COL24A1: variants seen among roughly 807,000 people sequenced by gnomAD.
COL24A1 encodes collagen type XXIV alpha 1 chain.
In COL24A1, 224 loss-of-function variants were observed where a neutral mutation model predicts 253.9. That is an observed-to-expected ratio of 0.88 (90% CI 0.79 to 0.99). The LOEUF is 0.99. Ranked by LOEUF, COL24A1 falls within the 50% of genes least tolerant of loss-of-function variation. The pLI is 0.00. For missense variants in COL24A1, 2,131 were observed against 2,068.5 expected, an observed-to-expected ratio of 1.03 and a Z score of -0.59; for synonymous variants, 685 against 673.7, an observed-to-expected ratio of 1.02 and a Z score of -0.26.
chr1:85,873,057 T>C (rs1163577657), intron 35 of COL24A1, among the ~76,000 whole-genome samples: 2 of 152,124 alleles, frequency 1.3e-5, no homozygotes, highest in African/African-American at 2.4e-5. Context: ...AAGAAGACAT[T>C]TATGCAGCCA....
At chr1:85,787,010 T>C (rs890150508) in intron 47 of COL24A1, among the ~76,000 whole-genome samples, 3 of 151,942 alleles carry the variant, frequency 2.0e-5, no homozygotes, top group Non-Finnish European at 4.4e-5. Flanking sequence ...GTAGATCTCA[T>C]GAACTAAGAA....
intron 47 of COL24A1, among the ~76,000 whole-genome samples, 180 bp downstream of exon 47, chr1:85,816,608 A>C (rs936878803): frequency 2.0e-5 from 3 of 152,228 alleles, no homozygotes; most frequent in Non-Finnish European, 4.4e-5. Context: ...TACTGAAGAG[A>C]ATGTACCTAT....
At chr1:85,778,163 G>A (rs1343600233) in intron 52 of COL24A1, among the ~76,000 whole-genome samples, 2 of 152,022 alleles carry the variant, frequency 1.3e-5, no homozygotes, top group Non-Finnish European at 2.9e-5. Flanking sequence ...GAGTGCAGTG[G>A]CATGATCATG....
intron 20 of COL24A1, among the ~76,000 whole-genome samples, chr1:85,979,393 A>G (rs539275946): frequency 2.4e-4 from 37 of 152,234 alleles, no homozygotes; most frequent in African/African-American, 8.9e-4. Context: ...TAAATGAAAC[A>G]AAAAGCTGGT....
intron 2 of COL24A1, among the ~76,000 whole-genome samples, chr1:86,134,135 G>A (rs9659884): frequency 0.96 from 146,184 of 151,962 alleles, 70,482 homozygotes; most frequent in Non-Finnish European, 1. Context: ...GTTTATATGG[G>A]TAGAGGTGTT....
chr1:85,797,900 A>G (rs673506), intron 47 of COL24A1, among the ~76,000 whole-genome samples: 110,517 of 152,060 alleles, frequency 0.73, 43,477 homozygotes, highest in Non-Finnish European at 0.89. Context: ...ATTCCATAAA[A>G]AGTATAAACC....
chr1:86,021,771 T>C (rs143101162), intron 18 of COL24A1, among the ~76,000 whole-genome samples: 303 of 152,202 alleles, frequency 2.0e-3, no homozygotes, highest in African/African-American at 7.0e-3. Context: ...CAATATAAGG[T>C]ATCTTTTTCT....
chr1:85,763,165 C>T (rs1667002610), intron 53 of COL24A1, among the ~76,000 whole-genome samples: 1 of 152,066 alleles, frequency 6.6e-6, no homozygotes, highest in Non-Finnish European at 1.5e-5. Context: ...ACCTGTAATT[C>T]CAGTACTTTG....
At chr1:86,111,489 A>C (rs976273714) in intron 5 of COL24A1, among the ~76,000 whole-genome samples, 1 of 149,372 alleles carries the variant, frequency 6.7e-6, no homozygotes, top group African/African-American at 2.5e-5. Flanking sequence ...TGTCTAGCTC[A>C]AGGTTTGTAA....
rs1677501987 is a variant in COL24A1 at position 85,849,370 on chromosome 1, C to T, written c.3337G>A (p.Gly1113Ser). 1 of 1,612,662 alleles carries T rather than the reference C, an allele frequency of 6.2e-7. No homozygotes were observed. Among genetic ancestry groups the T allele is most frequent in the East Asian group, 2.2e-5 (1 of 44,788 alleles). The change falls in exon 38 of 60, where the codon GGT becomes AGT. Residue 1113 changes from glycine to serine, a missense_variant. Physicochemically the swap from Gly to Ser is moderately conservative, Grantham distance 56. Transcript: ENST00000370571. Reference protein sequence around the residue: ...EGIVGIPGQRGRPGKKGDKGQ... With the variant: ...EGIVGIPGQRSRPGKKGDKGQ... ...AAAATTACCTTTTTTCCTGGACGACCTCTTTGCCCTGGAATTCCCACAATT... is the reference window on the plus strand; with the variant it reads ...AAAATTACCTTTTTTCCTGGACGACTTCTTTGCCCTGGAATTCCCACAATT...
intron 24 of COL24A1, among the ~76,000 whole-genome samples, chr1:85,945,019 T>TTTTTTTG (rs1553237047): frequency 0.085 from 6,196 of 72,862 alleles, 931 homozygotes; most frequent in East Asian, 0.14. Flanking sequence ...TTTTTTTTTT[T>TTTTTTTG]TTTTTTTTTT....
chr1:85,896,366 TGTA>T lies in COL24A1; in HGVS notation c.2819_2821del (p.Ile940_Gln941delinsLys). 3 of 1,613,320 alleles carry T rather than the reference TGTA, an allele frequency of 1.9e-6. No homozygotes were observed. The highest frequency in any genetic ancestry group is 2.5e-6 in the Non-Finnish European group (3 of 1,179,272). ...AAAATCAATGATTACCTTGGCACCTTGTATACCTTGTTCCCCTAAGAGACCATC... is the reference window on the plus strand; with the variant it reads ...AAAATCAATGATTACCTTGGCACCTTTACCTTGTTCCCCTAAGAGACCATC... On this transcript the variant is annotated inframe_deletion, in exon 29 of 60. Transcript: ENST00000370571.
At chr1:85,921,342 A>C (rs1443880515) in intron 24 of COL24A1, among the ~76,000 whole-genome samples, 1 of 152,212 alleles carries the variant, frequency 6.6e-6, no homozygotes, top group East Asian at 1.9e-4. Context: ...CTAGAGCAGC[A>C]GTCTGAGATC....
chr1:85,818,153 AG>A (rs1673240132), intron 45 of COL24A1, 66 bp from the exon 46 acceptor site: 2 of 1,278,380 alleles, frequency 1.6e-6, no homozygotes, highest in Admixed American at 1.7e-5. Flanking sequence ...GCCATAGAAA[AG>A]GACACTGAGA....
chr1:86,033,219 C>T (rs1698726592), intron 13 of COL24A1, among the ~76,000 whole-genome samples: 1 of 152,118 alleles, frequency 6.6e-6, no homozygotes, highest in Non-Finnish European at 1.5e-5. Context: ...ATTATTGGAA[C>T]TATTCCCAAT....
chr1:85,981,886 C>T (rs1693288033), intron 20 of COL24A1, among the ~76,000 whole-genome samples: 1 of 152,070 alleles, frequency 6.6e-6, no homozygotes, highest in African/African-American at 2.4e-5. Context: ...CGCAGGAGTG[C>T]AAGTATCCTG....
intron 18 of COL24A1, among the ~76,000 whole-genome samples, chr1:86,020,488 T>A (rs72716123): frequency 0.065 from 9,829 of 152,222 alleles, 485 homozygotes; most frequent in Admixed American, 0.12. Context: ...TAGCCAATGA[T>A]TTTTTTACTC....
At chr1:85,783,416 T>C in intron 51 of COL24A1, 80 bp downstream of exon 51, 1 of 1,112,408 alleles carries the variant, frequency 9.0e-7, no homozygotes, top group Non-Finnish European at 1.3e-6. Flanking sequence ...TTACTTGAAG[T>C]ACATTACATT....
At chr1:85,932,911 G>A (rs1687888297) in intron 24 of COL24A1, among the ~76,000 whole-genome samples, 1 of 95,660 alleles carries the variant, frequency 1.0e-5, no homozygotes, top group Non-Finnish European at 2.1e-5. Flanking sequence ...CACAGGAAGG[G>A]GAATATCACA....
Sources: allele counts gnomAD v4.1 joint callset (sites outside exome capture counted in the v4.1 genomes callset), GRCh38; gene constraint gnomAD v4.1.1; transcripts MANE v1.5; gene names NCBI Gene and HGNC (gene_info 2026-07-23, HGNC 2026-07-21).